Variants in FMR1NB observed in about 807,000 individuals in gnomAD.
FMR1NB encodes FMR1 neighbor protein.
In FMR1NB, 10 loss-of-function variants were observed where a neutral mutation model predicts 16.8. The ratio of observed to expected loss-of-function variants is 0.60; its 90% confidence interval spans 0.37 to 1.01. The LOEUF (loss-of-function observed/expected upper bound fraction) is 1.01. Among genes scored for constraint, FMR1NB ranks in the 50% least tolerant of loss-of-function variants. The pLI is 0.01. For missense variants in FMR1NB, 205 were observed against 204.8 expected, an observed-to-expected ratio of 1.00 and a Z score of 0.00; for synonymous variants, 83 against 79.1, an observed-to-expected ratio of 1.05 and a Z score of -0.26.
intron 4 of FMR1NB, among the ~76,000 whole-genome samples, chrX:148,011,698 A>G (rs1027282267): frequency 4.5e-5 from 5 of 111,468 alleles, no homozygotes; most frequent in Non-Finnish European, 7.5e-5. Flanking sequence ...ACAGATTTGG[A>G]GTAGATAGAG....
At chrX:148,002,749 A>T (rs1239800068) in intron 1 of FMR1NB, among the ~76,000 whole-genome samples, 2 of 112,357 alleles carry the variant, frequency 1.8e-5, no homozygotes, top group Non-Finnish European at 3.8e-5. Context: ...ACTAAAAACC[A>T]GTTCTTTAAA....
chrX:147,987,364 A>T (rs1192615878), intron 1 of FMR1NB, among the ~76,000 whole-genome samples: 2 of 111,886 alleles, frequency 1.8e-5, no homozygotes, highest in Non-Finnish European at 3.8e-5. Flanking sequence ...TACTATGTTG[A>T]ATAGGAGTGG....
At chrX:147,999,534 T>C (rs112363019) in intron 1 of FMR1NB, among the ~76,000 whole-genome samples, 1 of 49,923 alleles carries the variant, frequency 2.0e-5, no homozygotes. Flanking sequence ...ACTTCTAGTC[T>C]TTTTTTTTTT....
intron 1 of FMR1NB, among the ~76,000 whole-genome samples, chrX:147,997,658 G>A (rs1398831254): frequency 9.0e-6 from 1 of 111,442 alleles, no homozygotes; most frequent in Non-Finnish European, 1.9e-5. Flanking sequence ...AACTATCATC[G>A]GAGTGAACTG....
At chrX:148,005,616 G>A (rs1349599279) in intron 2 of FMR1NB, among the ~76,000 whole-genome samples, 1 of 112,048 alleles carries the variant, frequency 8.9e-6, no homozygotes, top group Non-Finnish European at 1.9e-5. Context: ...TCTTGCATAA[G>A]TTACTTTGAT....
intron 3 of FMR1NB, 74 bp downstream of exon 3, chrX:148,006,916 T>C (rs1437925724): frequency 3.8e-5 from 41 of 1,065,110 alleles, no homozygotes; most frequent in Non-Finnish European, 5.1e-5. Flanking sequence ...TAAGTTCATA[T>C]TTGGATTTCC....
chrX:148,006,934 A>G, intron 3 of FMR1NB, 92 bp downstream of exon 3: 1 of 965,979 alleles, frequency 1.0e-6, no homozygotes, highest in Non-Finnish European at 1.4e-6. Context: ...TCCTAGCTTA[A>G]TACTTAAATG....
In FMR1NB at chrX:147,981,720, G is replaced by A. The variant is rs782213986; in HGVS notation, c.277+41G>A. 9 of 992,122 alleles carry A rather than the reference G, an allele frequency of 9.1e-6. No homozygotes were observed. In the Admixed American group the frequency reaches 1.4e-4, roughly 16 times the overall value. 81.8% of individuals were successfully genotyped at this position (992,122 alleles called of 1,213,427 possible). On this transcript the variant is annotated intron_variant, in intron 1 of 5. Transcript: ENST00000370467. ...GGCCAGGCAGGGAAATGCTGGGGGA[G>A]GGGGAGGGGGAGGGAGAGGGGGGCG... is the stretch of plus-strand genomic sequence containing the variant.
At chrX:147,997,421 T>C (rs1381825812) in intron 1 of FMR1NB, among the ~76,000 whole-genome samples, 1 of 111,739 alleles carries the variant, frequency 8.9e-6, no homozygotes, top group Admixed American at 9.5e-5. Context: ...GAAACAGAAA[T>C]TGGACCCCTT....
At chrX:147,997,216 G>C (rs1216922043) in intron 1 of FMR1NB, among the ~76,000 whole-genome samples, 2 of 111,854 alleles carry the variant, frequency 1.8e-5, no homozygotes. Flanking sequence ...TATACTACAA[G>C]GCTATAGTAA....
At chrX:148,020,243 A>T (rs1315217475) in intron 4 of FMR1NB, among the ~76,000 whole-genome samples, 1 of 111,249 alleles carries the variant, frequency 9.0e-6, no homozygotes, top group Non-Finnish European at 1.9e-5. Flanking sequence ...GGGCTCTTCT[A>T]TCAGCTTGTG....
At position 147,981,516 on chromosome X, in the gene FMR1NB, C is replaced by T. The variant is rs782775241; in HGVS notation, c.114C>T (p.Pro38=). Residue 38 remains proline (P), a synonymous_variant, in exon 1 of 6, where the codon CCC becomes CCT. Coordinates refer to ENST00000370467, the MANE Select transcript of FMR1NB (RefSeq NM_152578.3). ...AGTTGGCGGCAACTGAGTCGAATCC[C>T]GAGAGCAGCCATCCTGGATACGAGG... is the stretch of plus-strand genomic sequence containing the variant. ...TYELAATESN[P]ESSHPGYEAA... 8.3e-6 allele frequency: 10 copies of T among 1,211,658 alleles called. No individual in the cohort carries two copies. The highest frequency in any genetic ancestry group is 3.5e-5 in the South Asian group (2 of 56,945).
chrX:147,982,227 T>C (rs1392796482), intron 1 of FMR1NB, among the ~76,000 whole-genome samples: 1 of 107,652 alleles, frequency 9.3e-6, no homozygotes, highest in Non-Finnish European at 1.9e-5. Flanking sequence ...GAGGTGGAGG[T>C]TGCAGTGAGC....
At chrX:148,020,625 T>A (rs1223851645) in intron 4 of FMR1NB, among the ~76,000 whole-genome samples, 3 of 111,459 alleles carry the variant, frequency 2.7e-5, no homozygotes, top group Non-Finnish European at 3.8e-5. Context: ...TAGGACTGGA[T>A]CCTTCCCTTT....
At chrX:147,996,689 G>C (rs1372884141) in intron 1 of FMR1NB, among the ~76,000 whole-genome samples, 2 of 111,805 alleles carry the variant, frequency 1.8e-5, no homozygotes, top group Non-Finnish European at 3.8e-5. Flanking sequence ...ATTAAACCAA[G>C]CATGGAGCTC....
At position 147,981,569 on chromosome X, in the gene FMR1NB, G is replaced by A; in HGVS notation, c.167G>A (p.Gly56Glu). 8.3e-7 allele frequency: 1 copy of A among 1,211,985 alleles called. No homozygotes were observed. ...EAAMADRPQP[G>E]WRESLKMRVS... is the part of the protein sequence containing the mutation. ...GCCATGGCTGACAGGCCTCAGCCAG[G>A]ATGGCGGGAATCTCTAAAGATGCGG... The change falls in exon 1 of 6, where the codon GGA becomes GAA. Residue 56 changes from glycine (G) to glutamate (E), a missense_variant. Coordinates refer to ENST00000370467, the MANE Select transcript of FMR1NB (RefSeq NM_152578.3).
At chrX:148,022,365 C>T (rs782419285) in intron 4 of FMR1NB, among the ~76,000 whole-genome samples, 2 of 112,011 alleles carry the variant, frequency 1.8e-5, no homozygotes, top group East Asian at 5.6e-4. Flanking sequence ...TCTACTTGAA[C>T]TCATCTCAAC....
At chrX:147,999,437 G>C (rs782405442) in intron 1 of FMR1NB, among the ~76,000 whole-genome samples, 1 of 111,785 alleles carries the variant, frequency 8.9e-6, no homozygotes, top group African/African-American at 3.3e-5. Context: ...AGGGTTCTCT[G>C]ATCTGGCAAA....
intron 4 of FMR1NB, among the ~76,000 whole-genome samples, chrX:148,011,079 C>T (rs1408525886): frequency 1.8e-5 from 2 of 110,608 alleles, no homozygotes; most frequent in Non-Finnish European, 3.8e-5. Flanking sequence ...GCCTGAACAA[C>T]ATGGTGAAAC....
Sources: allele counts gnomAD v4.1 joint callset (sites outside exome capture counted in the v4.1 genomes callset), GRCh38; gene constraint gnomAD v4.1.1; transcripts MANE v1.5; gene names NCBI Gene and HGNC (gene_info 2026-07-23, HGNC 2026-07-21).